The following DACH1 variants were observed in gnomAD, a reference collection of about 807,000 sequenced individuals.
The protein encoded by DACH1 is dachshund family transcription factor 1, also known as dachshund homolog 1.
A neutral mutation model predicts 54.2 loss-of-function variants in DACH1; 12 were observed. That is an observed-to-expected ratio of 0.22 (90% confidence interval 0.14 to 0.36). The LOEUF (loss-of-function observed/expected upper bound fraction) is 0.36, where lower values mean the gene tolerates loss of function less well. Among genes scored for constraint, DACH1 ranks in the 10% least tolerant of loss-of-function variants. The pLI is 1.00. For synonymous variants in DACH1, 386 were observed against 366.2 expected (o/e 1.05, Z -0.62); for missense variants, 805 against 929.8 (o/e 0.87, Z 1.75).
chr13:71,747,559 T>C (rs1349778293), intron 1 of DACH1, among the ~76,000 whole-genome samples: 1 of 152,058 alleles, frequency 6.6e-6, no homozygotes, highest in Non-Finnish European at 1.5e-5. Context: ...CCAGCCTGGG[T>C]GACAGAGTGA....
chr13:71,778,583 A>G (rs1886172395), intron 1 of DACH1, among the ~76,000 whole-genome samples: 1 of 151,772 alleles, frequency 6.6e-6, no homozygotes, highest in South Asian at 2.1e-4. Flanking sequence ...AGGCATAACT[A>G]TTGTTTTCTT....
chr13:71,767,250 T>A (rs1047066524), intron 1 of DACH1, among the ~76,000 whole-genome samples: 4 of 152,106 alleles, frequency 2.6e-5, no homozygotes, highest in African/African-American at 9.6e-5. Flanking sequence ...GAAAACACTT[T>A]AGAGGTTTCT....
At chr13:71,527,684 A>G (rs1882094842) in intron 6 of DACH1, among the ~76,000 whole-genome samples, 1 of 152,168 alleles carries the variant, frequency 6.6e-6, no homozygotes, top group South Asian at 2.1e-4. Context: ...AACAACACCA[A>G]ATATTTGCAG....
chr13:71,531,988 G>C lies in DACH1; in HGVS notation c.1570+25036C>G, dbSNP rs532254954. The stretch of plus-strand genomic sequence containing the variant: ...TATATATATGTGCATACTATACTGT[G>C]TCTTGTGCATATTAGGCATTCAATA... On this transcript the variant is annotated intron_variant, in intron 6 of 10. Transcript: ENST00000613252. Among the ~76,000 whole-genome samples the C allele has an allele frequency of 3.9e-5, 6 of 151,944 alleles. No individual in the cohort carries two copies. The South Asian group carries it at 1.2e-3, about 31-fold the overall frequency.
rs186339512 is a variant in DACH1 at position 71,839,220 on chromosome 13, A to G, written c.848+26702T>C. On this transcript the variant is annotated intron_variant, in intron 1 of 10. Coordinates refer to ENST00000613252, the MANE Select transcript of DACH1 (RefSeq NM_080759.6). ...TCAAAGTTACTTGAATCCAGAAGACAGAGAGAAAAAATCAGTGCTTTTAAT... is the reference window on the plus strand; with the variant it reads ...TCAAAGTTACTTGAATCCAGAAGACGGAGAGAAAAAATCAGTGCTTTTAAT... 2.0e-4 allele frequency among the ~76,000 whole-genome samples: 30 copies of G among 152,346 alleles called. No homozygotes were observed. The East Asian group carries it at 3.1e-3, about 16-fold the overall frequency.
In DACH1 at chr13:71,723,301, C is replaced by T. The variant is rs115957070; in HGVS notation, c.849-41391G>A. Among the ~76,000 whole-genome samples, 616 of 151,910 alleles carry T rather than the reference C, an allele frequency of 4.1e-3. 2 individuals are homozygous for T. The highest frequency in any genetic ancestry group is 0.014 in the African/African-American group (580 of 41,422). On this transcript the variant is annotated intron_variant, in intron 1 of 10. Coordinates refer to ENST00000613252, the MANE Select transcript of DACH1 (RefSeq NM_080759.6). ...TGGTGGCACATGCCTGTAGCCCCAG[C>T]TACTCAGGAGCCTAAGGTAGGAGGA...
At chr13:71,631,314 C>T (rs1877083845) in intron 2 of DACH1, among the ~76,000 whole-genome samples, 2 of 152,136 alleles carry the variant, frequency 1.3e-5, no homozygotes, top group Non-Finnish European at 2.9e-5. Context: ...AGAAGTCTTC[C>T]CATTCCATGG....
intron 1 of DACH1, among the ~76,000 whole-genome samples, chr13:71,684,311 G>A (rs1450903226): frequency 2.6e-5 from 4 of 152,056 alleles, no homozygotes; most frequent in Admixed American, 2.6e-4. Flanking sequence ...GATATCAGTG[G>A]TTCCCTACTG....
At chr13:71,451,961 C>T (rs1875099210) in intron 10 of DACH1, among the ~76,000 whole-genome samples, 1 of 152,134 alleles carries the variant, frequency 6.6e-6, no homozygotes, top group Non-Finnish European at 1.5e-5. Flanking sequence ...ATAATATGTG[C>T]ATCTTACTCT....
chr13:71,595,720 G>A (rs1417930676), intron 3 of DACH1, among the ~76,000 whole-genome samples: 1 of 152,068 alleles, frequency 6.6e-6, no homozygotes, highest in Non-Finnish European at 1.5e-5. Context: ...GGTTCTAAGA[G>A]GAAACTCTTC....
At chr13:71,780,479 T>A (rs1046779631) in intron 1 of DACH1, among the ~76,000 whole-genome samples, 1 of 152,072 alleles carries the variant, frequency 6.6e-6, no homozygotes, top group Non-Finnish European at 1.5e-5. Flanking sequence ...GCATTACAAA[T>A]AACACGGTAT....
At chr13:71,679,768 A>G (rs1880785210) in intron 2 of DACH1, among the ~76,000 whole-genome samples, 1 of 151,974 alleles carries the variant, frequency 6.6e-6, no homozygotes, top group Non-Finnish European at 1.5e-5. Context: ...ATGGATCATG[A>G]GGTCAGGAGA....
At chr13:71,596,430 T>C (rs1874102599) in intron 3 of DACH1, among the ~76,000 whole-genome samples, 1 of 152,192 alleles carries the variant, frequency 6.6e-6, no homozygotes, top group South Asian at 2.1e-4. Context: ...TTGGGGATTT[T>C]GGAAACAAAG....
chr13:71,838,503 C>T (rs906658719), intron 1 of DACH1, among the ~76,000 whole-genome samples: 1 of 152,112 alleles, frequency 6.6e-6, no homozygotes. Context: ...AAAAATACTA[C>T]ATAGAATTGT....
At chr13:71,601,050 T>C (rs957408110) in intron 3 of DACH1, among the ~76,000 whole-genome samples, 1 of 152,026 alleles carries the variant, frequency 6.6e-6, no homozygotes, top group Non-Finnish European at 1.5e-5. Context: ...TAAATATTCA[T>C]ATCTGTGCCA....
intron 1 of DACH1, among the ~76,000 whole-genome samples, chr13:71,796,750 A>C (rs1048753721): frequency 6.6e-6 from 1 of 151,332 alleles, no homozygotes; most frequent in Admixed American, 6.6e-5. Context: ...ATATAGTACT[A>C]ATTTGTAAGC....
chr13:71,556,740 A>G (rs1884277112), intron 6 of DACH1, among the ~76,000 whole-genome samples: 1 of 152,090 alleles, frequency 6.6e-6, no homozygotes, highest in South Asian at 2.1e-4. Context: ...GTCAAATAGC[A>G]GACCCTTTAG....
chr13:71,581,247 C>T (rs968226922), intron 3 of DACH1, among the ~76,000 whole-genome samples: 1 of 152,016 alleles, frequency 6.6e-6, no homozygotes, highest in Non-Finnish European at 1.5e-5. Flanking sequence ...CATATAATAA[C>T]ATGTATTTGC....
intron 1 of DACH1, among the ~76,000 whole-genome samples, chr13:71,794,671 CA>C (rs1381957615): frequency 1.3e-5 from 2 of 152,152 alleles, no homozygotes; most frequent in Non-Finnish European, 2.9e-5. Flanking sequence ...CTCCTGACCT[CA>C]GGTGATCCTC....
Sources: gnomAD v4.1 joint callset for allele counts (sites outside exome capture counted in the v4.1 genomes callset) on GRCh38, gnomAD v4.1.1 for gene constraint, MANE v1.5 for transcripts, NCBI Gene and HGNC (gene_info 2026-07-23, HGNC 2026-07-21) for gene names.